The following DLG2 variants were observed in gnomAD, a reference collection of about 807,000 sequenced individuals.
The protein encoded by DLG2 is discs large MAGUK scaffold protein 2, also known as disks large homolog 2.
A neutral mutation model predicts 132.5 loss-of-function variants in DLG2; 45 were observed. The ratio of observed to expected loss-of-function variants is 0.34; its 90% CI spans 0.27 to 0.44. DLG2 has a LOEUF of 0.44. Among genes scored for constraint, DLG2 ranks in the 20% least tolerant of loss-of-function variants. The pLI, the probability that DLG2 is intolerant of heterozygous loss-of-function variation, is 1.00. For synonymous variants in DLG2, 424 were observed against 419.6 expected (o/e 1.01, Z -0.13); for missense variants, 1,045 against 1,196.9 (o/e 0.87, Z 1.87).
intron 7 of DLG2, among the ~76,000 whole-genome samples, chr11:84,472,717 C>T (rs925914171): frequency 6.6e-6 from 1 of 151,800 alleles, no homozygotes; most frequent in African/African-American, 2.4e-5. Flanking sequence ...GTGTTGACAA[C>T]ATATTTGGGG....
In DLG2 at chr11:85,598,797, CATG is replaced by C. The variant is rs2079954977; in HGVS notation, c.-92-12_-92-10del. The C allele has an allele frequency of 1.3e-6, 1 of 794,188 alleles. No homozygotes were observed. The highest frequency in any genetic ancestry group is 2.5e-5 in the South Asian group (1 of 39,300). The allele number at this position is 794,188 out of a possible 1,614,324, so 49.2% of individuals were successfully genotyped here. On this transcript the variant is annotated splice_polypyrimidine_tract_variant and intron_variant, in intron 2 of 27. Transcript: ENST00000376104. Reference sequence around the variant, plus strand: ...TAAAGCTCGGTCAGTATCTGAAAAACATGATATTATTATTATATTTTATGGTCT... The same window carrying C: ...TAAAGCTCGGTCAGTATCTGAAAAACATATTATTATTATATTTTATGGTCT...
At chr11:85,603,027 G>A (rs557988003) in intron 2 of DLG2, among the ~76,000 whole-genome samples, 23 of 152,162 alleles carry the variant, frequency 1.5e-4, no homozygotes, top group Middle Eastern at 6.8e-3. Context: ...AGGACATTGC[G>A]TAACTACTCC....
intron 6 of DLG2, among the ~76,000 whole-genome samples, chr11:84,896,633 G>T (rs576586925): frequency 1.1e-4 from 16 of 151,980 alleles, no homozygotes; most frequent in Non-Finnish European, 1.8e-4. Flanking sequence ...AACAGAGATA[G>T]TAGTTGCCAC....
At chr11:84,475,740 A>G (rs1454691966) in intron 7 of DLG2, among the ~76,000 whole-genome samples, 1 of 152,126 alleles carries the variant, frequency 6.6e-6, no homozygotes, top group Non-Finnish European at 1.5e-5. Context: ...AATTATAAAG[A>G]GATAGGAATG....
intron 16 of DLG2, among the ~76,000 whole-genome samples, chr11:83,846,052 C>T (rs2058551902): frequency 6.6e-6 from 1 of 152,058 alleles, no homozygotes; most frequent in South Asian, 2.1e-4. Context: ...TGTTAAGTAC[C>T]AAATGAGTAT....
intron 9 of DLG2, among the ~76,000 whole-genome samples, chr11:84,101,133 G>A (rs1368853875): frequency 6.6e-6 from 1 of 152,142 alleles, no homozygotes; most frequent in African/African-American, 2.4e-5. Context: ...AGCTACAGGA[G>A]TAAGTATGTC....
intron 6 of DLG2, among the ~76,000 whole-genome samples, chr11:85,047,591 T>C (rs1412833297): frequency 6.6e-6 from 1 of 151,910 alleles, no homozygotes; most frequent in Non-Finnish European, 1.5e-5. Flanking sequence ...TCCCTGAGTA[T>C]CTGTTTTCTC....
chr11:84,534,869 A>G, intron 6 of DLG2, 138 bp from the exon 7 acceptor site: 2 of 1,005,912 alleles, frequency 2.0e-6, no homozygotes, highest in Non-Finnish European at 3.1e-6. Context: ...GCTTTGCTGC[A>G]GACTCTTCTG....
chr11:83,665,380 C>T (rs1409342779), intron 18 of DLG2, among the ~76,000 whole-genome samples: 1 of 152,144 alleles, frequency 6.6e-6, no homozygotes, highest in African/African-American at 2.4e-5. Context: ...ATCATCTGGT[C>T]ATAAGGGCTT....
Position 84,547,790 on chromosome 11 carries a change from AG to A in DLG2, c.358-13060del, listed in dbSNP as rs2099393218. Among the ~76,000 whole-genome samples the A allele has an allele frequency of 2.6e-5, 4 of 152,180 alleles. No individual in the cohort carries two copies. In the South Asian group the frequency reaches 6.2e-4, roughly 24 times the overall value. On this transcript the variant is annotated intron_variant, in intron 6 of 27. Coordinates refer to ENST00000376104, the MANE Select transcript of DLG2 (RefSeq NM_001142699.3). ...AGAGTTCACAATTCATTATTGTACC[AG>A]GGGCAAATATTCTGCTTGGGACCCA...
chr11:85,563,241 G>T (rs2077350425), intron 3 of DLG2, among the ~76,000 whole-genome samples: 1 of 151,686 alleles, frequency 6.6e-6, no homozygotes, highest in African/African-American at 2.4e-5. Flanking sequence ...AAAATAAGAT[G>T]CTTCCATTTT....
chr11:83,842,380 G>A (rs1345106522), intron 16 of DLG2, among the ~76,000 whole-genome samples: 1 of 152,136 alleles, frequency 6.6e-6, no homozygotes, highest in Non-Finnish European at 1.5e-5. Flanking sequence ...CGGATCATGA[G>A]GTCAAGAGAT....
At chr11:84,706,291 T>C (rs530087530) in intron 6 of DLG2, among the ~76,000 whole-genome samples, 32 of 151,902 alleles carry the variant, frequency 2.1e-4, no homozygotes, top group South Asian at 1.0e-3. Flanking sequence ...CTAACACAAT[T>C]CAGAGCCAAA....
At position 84,489,202 on chromosome 11, in the gene DLG2, C is replaced by T. The variant is rs114300095; in HGVS notation, c.519+45368G>A. On this transcript the variant is annotated intron_variant, in intron 7 of 27. Coordinates refer to ENST00000376104, the MANE Select transcript of DLG2 (RefSeq NM_001142699.3). ...AAAGTTTATGATAGTATAAAACAAACGGCACTGCAGTATTTTTCCTTTTAT... is the reference window on the plus strand; with the variant it reads ...AAAGTTTATGATAGTATAAAACAAATGGCACTGCAGTATTTTTCCTTTTAT... 3.8e-3 allele frequency among the ~76,000 whole-genome samples: 575 copies of T among 152,060 alleles called. 7 individuals are homozygous for T. Among genetic ancestry groups the T allele is most frequent in the African/African-American group, 0.014 (561 of 41,506 alleles).
At chr11:85,439,599 T>A (rs2091672824) in intron 3 of DLG2, among the ~76,000 whole-genome samples, 2 of 152,116 alleles carry the variant, frequency 1.3e-5, no homozygotes, top group African/African-American at 4.8e-5. Context: ...GACCTCATGA[T>A]GTACCCGCCT....
chr11:84,442,706 A>AAAAGAAAG (rs56224511), intron 7 of DLG2, among the ~76,000 whole-genome samples: 3,627 of 148,938 alleles, frequency 0.024, 134 homozygotes, highest in African/African-American at 0.073. Flanking sequence ...TAATTAAAAA[A>AAAAGAAAG]AAAGAAAGAA....
At chr11:85,220,637 A>AT (rs1554992641) in intron 4 of DLG2, among the ~76,000 whole-genome samples, 375 of 148,310 alleles carry the variant, frequency 2.5e-3, no homozygotes, top group African/African-American at 3.6e-3. Flanking sequence ...TAGAAAAAAA[A>AT]ATATATATAT....
At chr11:84,907,161 T>C (rs1254215281) in intron 6 of DLG2, among the ~76,000 whole-genome samples, 2 of 152,226 alleles carry the variant, frequency 1.3e-5, no homozygotes, top group South Asian at 2.1e-4. Context: ...GCCTACTCAA[T>C]CCGCCCCTGA....
intron 22 of DLG2, among the ~76,000 whole-genome samples, chr11:83,479,215 C>T (rs2092887944): frequency 6.6e-6 from 1 of 152,000 alleles, no homozygotes; most frequent in African/African-American, 2.4e-5. Flanking sequence ...CTTCTCTGAG[C>T]CTACCTCCAT....
Sources: gnomAD v4.1 joint callset for allele counts (sites outside exome capture counted in the v4.1 genomes callset) on GRCh38, gnomAD v4.1.1 for gene constraint, MANE v1.5 for transcripts, NCBI Gene and HGNC (gene_info 2026-07-23, HGNC 2026-07-21) for gene names.